Variants in TENM1 observed in about 807,000 individuals in gnomAD.
TENM1 encodes teneurin transmembrane protein 1.
A neutral mutation model predicts 174.8 loss-of-function variants in TENM1; 35 were observed. The observed-to-expected ratio is 0.20, with a 90% confidence interval of 0.15 to 0.27. The LOEUF (loss-of-function observed/expected upper bound fraction) is 0.27. TENM1 is among the 10% of genes least tolerant of loss of function. TENM1 has a pLI of 1.00. For missense variants in TENM1, 1,633 were observed against 2,130.1 expected (o/e 0.77, Z 4.59); for synonymous variants, 781 against 798.7 (o/e 0.98, Z 0.37).
chrX:124,924,512 C>A (rs929549189), intron 1 of TENM1, among the ~76,000 whole-genome samples: 9 of 111,518 alleles, frequency 8.1e-5, no homozygotes, highest in African/African-American at 2.6e-4. Context: ...CTAGGCATGA[C>A]CTTCCTGGCA....
intron 3 of TENM1, among the ~76,000 whole-genome samples, chrX:124,791,002 C>T (rs1444952117): frequency 1.8e-5 from 2 of 111,441 alleles, no homozygotes; most frequent in African/African-American, 6.5e-5. Flanking sequence ...CTAAATTAGC[C>T]TGAGCCCTTG....
At chrX:124,625,050 C>T (rs989400942) in intron 11 of TENM1, among the ~76,000 whole-genome samples, 2 of 111,793 alleles carry the variant, frequency 1.8e-5, no homozygotes, top group African/African-American at 6.5e-5. Flanking sequence ...AACTGGGTTT[C>T]CTGATCAAAG....
In TENM1 at chrX:124,566,043, A is replaced by G. The variant is rs757823480; in HGVS notation, c.2078-483T>C. 1.6e-4 allele frequency among the ~76,000 whole-genome samples: 18 copies of G among 112,106 alleles called. No homozygotes were observed. In the South Asian group the frequency reaches 6.7e-3, roughly 42 times the overall value. ...GCCAAGTGGGTTTCACTAAAAATTC[A>G]TTAAGATCACAGATAATGTTGCAGG... is the stretch of plus-strand genomic sequence containing the variant. On this transcript the variant is annotated intron_variant, in intron 11 of 31. Transcript: ENST00000422452.
At chrX:124,585,103 C>G (rs1185311794) in intron 11 of TENM1, among the ~76,000 whole-genome samples, 1 of 110,424 alleles carries the variant, frequency 9.1e-6, no homozygotes, top group East Asian at 2.8e-4. Flanking sequence ...TTTAACACCC[C>G]ACTGTCAACA....
In TENM1 at chrX:124,482,731, C is replaced by G. The variant is rs1406890899; in HGVS notation, c.3717-767G>C. Among the ~76,000 whole-genome samples the G allele has an allele frequency of 2.7e-5, 3 of 112,100 alleles. No homozygotes were observed. In the Admixed American group the frequency reaches 2.8e-4, roughly 11 times the overall value. ...TCTTGAAACTTTTCTATTACATACT[C>G]ACAAGGAATCTCAAGTTATTTTTAT... is the stretch of plus-strand genomic sequence containing the variant. On this transcript the variant is annotated intron_variant, in intron 21 of 31. Coordinates refer to ENST00000422452, the Ensembl canonical transcript of TENM1.
At chrX:124,763,005 C>T (rs754156804) in intron 3 of TENM1, among the ~76,000 whole-genome samples, 9 of 111,700 alleles carry the variant, frequency 8.1e-5, no homozygotes, top group Non-Finnish European at 1.5e-4. Flanking sequence ...ACCCTTCTTC[C>T]TCTTCCCCTA....
intron 5 of TENM1, among the ~76,000 whole-genome samples, chrX:124,689,089 C>A (rs956914773): frequency 9.0e-6 from 1 of 111,244 alleles, no homozygotes; most frequent in Non-Finnish European, 1.9e-5. Context: ...ACTGAAATAC[C>A]CTTTTGCCTA....
chrX:124,856,493 A>G (rs1457420052), intron 3 of TENM1, among the ~76,000 whole-genome samples: 2 of 111,533 alleles, frequency 1.8e-5, no homozygotes, highest in African/African-American at 6.5e-5. Flanking sequence ...GAGTCATAAT[A>G]GGAAAGTTAA....
chrX:125,051,624 G>T, the TENM1 span, among the ~76,000 whole-genome samples: 7 of 106,298 alleles, frequency 6.6e-5, no homozygotes, highest in Non-Finnish European at 1.2e-4. Flanking sequence ...ATGGTGCTGG[G>T]AAAACTGGCT....
chrX:124,478,412 G>A (rs192166287), intron 22 of TENM1, among the ~76,000 whole-genome samples: 14 of 112,533 alleles, frequency 1.2e-4, no homozygotes, highest in African/African-American at 2.9e-4. Flanking sequence ...GTTACCTTTC[G>A]CTGACTGGTT....
chrX:124,955,379 C>T (rs895545295), intron 1 of TENM1, among the ~76,000 whole-genome samples: 1 of 104,363 alleles, frequency 9.6e-6, no homozygotes, highest in African/African-American at 3.5e-5. Context: ...AATCTCTAGT[C>T]TAAAGTCAGC....
intron 25 of TENM1, among the ~76,000 whole-genome samples, chrX:124,411,380 G>T: frequency 9.0e-6 from 1 of 110,891 alleles, no homozygotes. Flanking sequence ...TGTGTTTTCT[G>T]GTGAAGGAGG....
intron 3 of TENM1, among the ~76,000 whole-genome samples, chrX:124,827,659 T>C (rs1423532439): frequency 4.5e-5 from 5 of 111,662 alleles, no homozygotes; most frequent in Non-Finnish European, 7.5e-5. Context: ...GAGGAAGCCC[T>C]GAATATGGGA....
In TENM1 at chrX:124,474,469, G is replaced by T. The variant is rs755994860; in HGVS notation, c.3949+7263C>A. 1.3e-3 allele frequency among the ~76,000 whole-genome samples: 144 copies of T among 111,920 alleles called. 1 individual carries two copies. The highest frequency in any genetic ancestry group is 4.5e-3 in the African/African-American group (138 of 30,837). On this transcript the variant is annotated intron_variant, in intron 22 of 31. Transcript: ENST00000422452. Reference sequence around the variant, plus strand: ...CCTCTAAAATATTACCTCTGTGCTTGCTAGAATCTGATGCATACATGAAAA... The same window carrying T: ...CCTCTAAAATATTACCTCTGTGCTTTCTAGAATCTGATGCATACATGAAAA...
chrX:124,648,630 T>C (rs1476105862), intron 8 of TENM1, among the ~76,000 whole-genome samples: 1 of 112,288 alleles, frequency 8.9e-6, no homozygotes, highest in Non-Finnish European at 1.9e-5. Context: ...CATTCAGAGA[T>C]GGAACAATTA....
intron 11 of TENM1, among the ~76,000 whole-genome samples, chrX:124,608,259 C>G (rs772619515): frequency 9.0e-6 from 1 of 111,319 alleles, no homozygotes; most frequent in Non-Finnish European, 1.9e-5. Context: ...CTTCCTAATG[C>G]GTGGGAAGTC....
chrX:125,149,623 T>A, the TENM1 span, among the ~76,000 whole-genome samples: 1 of 111,985 alleles, frequency 8.9e-6, no homozygotes. Flanking sequence ...TAAGTTTTAT[T>A]AAATTAAGTA....
chrX:124,658,464 T>C, intron 6 of TENM1, among the ~76,000 whole-genome samples: 1 of 111,854 alleles, frequency 8.9e-6, no homozygotes, highest in African/African-American at 3.2e-5. Context: ...AACGTACAAC[T>C]TTTTTTATTA....
intron 1 of TENM1, among the ~76,000 whole-genome samples, chrX:124,959,520 T>C (rs5958632): frequency 0.034 from 3,807 of 110,896 alleles, 168 homozygotes; most frequent in African/African-American, 0.12. Flanking sequence ...CCCTGGGTAA[T>C]CTCATCCATC....
Sources: allele counts gnomAD v4.1 joint callset (sites outside exome capture counted in the v4.1 genomes callset), GRCh38; gene constraint gnomAD v4.1.1; transcripts MANE v1.5; gene names NCBI Gene and HGNC (gene_info 2026-07-23, HGNC 2026-07-21).